The following SLC5A7 variants were observed in gnomAD, a reference collection of about 807,000 sequenced individuals.
SLC5A7 encodes the protein solute carrier family 5 member 7.
SLC5A7 carries 19 observed loss-of-function variants against 55.4 expected under a neutral mutation model. The ratio of observed to expected loss-of-function variants is 0.34; its 90% confidence interval spans 0.24 to 0.50. The LOEUF (loss-of-function observed/expected upper bound fraction) is 0.50, where lower values mean the gene tolerates loss of function less well. SLC5A7 is among the 20% of genes least tolerant of loss of function. The pLI is 0.98. For missense variants in SLC5A7, 506 were observed against 705.3 expected, an observed-to-expected ratio of 0.72 and a Z score of 3.20; for synonymous variants, 265 against 263.7, an observed-to-expected ratio of 1.00 and a Z score of -0.05.
intron 6 of SLC5A7, among the ~76,000 whole-genome samples, chr2:108,005,581 G>A (rs1166321582): frequency 6.6e-6 from 1 of 152,176 alleles, no homozygotes; most frequent in Non-Finnish European, 1.5e-5. Flanking sequence ...GGGTAACAAA[G>A]CATCATAAAC....
intron 2 of SLC5A7, among the ~76,000 whole-genome samples, chr2:107,990,926 A>G (rs1399099789): frequency 6.6e-6 from 1 of 152,204 alleles, no homozygotes; most frequent in African/African-American, 2.4e-5. Context: ...ATTCAGCCTC[A>G]TATCTGATAA....
chr2:107,998,156 C>T (rs1483173766), intron 5 of SLC5A7, among the ~76,000 whole-genome samples, 170 bp downstream of exon 5: 1 of 152,058 alleles, frequency 6.6e-6, no homozygotes, highest in Non-Finnish European at 1.5e-5. Context: ...ATGAAAAACT[C>T]GTCATTTTGA....
At chr2:107,988,414 C>T in intron 2 of SLC5A7, 81 bp downstream of exon 2, 1 of 1,314,144 alleles carries the variant, frequency 7.6e-7, no homozygotes, top group Non-Finnish European at 1.0e-6. Flanking sequence ...TTCAGAGTGA[C>T]AAAGCAAATG....
At chr2:107,997,727 C>A in intron 4 of SLC5A7, 111 bp from the exon 5 acceptor site, 3 of 1,132,118 alleles carry the variant, frequency 2.6e-6, no homozygotes, top group Non-Finnish European at 3.5e-6. Context: ...CACTGCATTT[C>A]ATATGACAGA....
At chr2:108,005,933 A>T in intron 6 of SLC5A7, 116 bp from the exon 7 acceptor site, 1 of 1,287,314 alleles carries the variant, frequency 7.8e-7, no homozygotes, top group Non-Finnish European at 1.1e-6. Flanking sequence ...GCTACATGCC[A>T]CATTTTTTTT....
chr2:107,990,303 A>G (rs1350572830), intron 2 of SLC5A7, among the ~76,000 whole-genome samples: 3 of 152,206 alleles, frequency 2.0e-5, no homozygotes, highest in Non-Finnish European at 2.9e-5. Flanking sequence ...TGATTCAGTC[A>G]CCAATTTTCT....
In SLC5A7 at chr2:108,008,696, C is replaced by T; in HGVS notation, c.1113+14C>T. 1.2e-6 allele frequency: 2 copies of T among 1,606,256 alleles called. No homozygotes were observed. Among genetic ancestry groups the T allele is most frequent in the Non-Finnish European group, 1.7e-6 (2 of 1,175,128 alleles). ...TTCAGACAAAATGTAAGAACAGTTT[C>T]TTTCAACCTGACATTTACTAGCATT... is the stretch of plus-strand genomic sequence containing the variant. On this transcript the variant is annotated intron_variant, in intron 8 of 8. Coordinates refer to ENST00000264047, the MANE Select transcript of SLC5A7 (RefSeq NM_021815.5).
At position 108,002,103 on chromosome 2, in the gene SLC5A7, C is replaced by T. The variant is rs183217499; in HGVS notation, c.741+63C>T. The T allele has an allele frequency of 4.5e-6, 7 of 1,557,850 alleles. No individual in the cohort carries two copies. The African/African-American group carries it at 5.5e-5, about 12-fold the overall frequency. ...GTTCCTGAAATCAAATTTGTTTTCACGATTTTCATATTCATAGTAAAAAAA... is the reference window on the plus strand; with the variant it reads ...GTTCCTGAAATCAAATTTGTTTTCATGATTTTCATATTCATAGTAAAAAAA... On this transcript the variant is annotated intron_variant, in intron 6 of 8. Transcript: ENST00000264047.
intron 8 of SLC5A7, among the ~76,000 whole-genome samples, chr2:108,009,726 G>A (rs772761386): frequency 6.6e-6 from 1 of 152,106 alleles, no homozygotes; most frequent in East Asian, 1.9e-4. Flanking sequence ...GGGCATTTGG[G>A]TTGGTTCCAT....
At chr2:108,000,176 C>G (rs1040085227) in intron 5 of SLC5A7, among the ~76,000 whole-genome samples, 1 of 152,118 alleles carries the variant, frequency 6.6e-6, no homozygotes, top group Non-Finnish European at 1.5e-5. Context: ...CACACACACA[C>G]CCCATTTATT....
chr2:108,002,339 C>T (rs2104365464), intron 6 of SLC5A7, among the ~76,000 whole-genome samples: 1 of 152,246 alleles, frequency 6.6e-6, no homozygotes, highest in Non-Finnish European at 1.5e-5. Context: ...TTTCCCCAAC[C>T]TGAAGGCAAA....
At chr2:108,006,860 G>A (rs779720757) in intron 7 of SLC5A7, among the ~76,000 whole-genome samples, 20 of 152,148 alleles carry the variant, frequency 1.3e-4, no homozygotes, top group Non-Finnish European at 1.0e-4. Flanking sequence ...TTGAACTTGA[G>A]ATTTCTGCTT....
rs1290557776 is a variant in SLC5A7, at chr2:108,012,388, G to A, written c.*1527G>A. The A allele has an allele frequency of 6.6e-6, 1 of 152,090 alleles. No homozygotes were observed. Among genetic ancestry groups the A allele is most frequent in the East Asian group, 1.9e-4 (1 of 5,190 alleles). The allele number at this position is 152,090 out of a possible 1,614,324, so 9.4% of individuals were successfully genotyped here. A position where few individuals can be genotyped will look rare whatever the true frequency, so the allele number is the denominator to read the frequency against. ...TTCCAAAAATACTTCTGCAACTCAT[G>A]AACAAAATGAAGTTAACTTAGTGTT... On this transcript the variant is annotated 3_prime_UTR_variant, in exon 9 of 9. Transcript: ENST00000264047.
chr2:108,001,757 C>A, intron 5 of SLC5A7, 140 bp from the exon 6 acceptor site: 7 of 710,226 alleles, frequency 9.9e-6, no homozygotes, highest in Middle Eastern at 3.7e-4. Flanking sequence ...CAACAAAAAA[C>A]AGAGAACATG....
intron 2 of SLC5A7, among the ~76,000 whole-genome samples, chr2:107,990,796 A>G (rs931238317): frequency 6.6e-6 from 1 of 152,220 alleles, no homozygotes; most frequent in African/African-American, 2.4e-5. Context: ...TAAACACAAT[A>G]GAAACACATC....
At chr2:107,997,540 A>G (rs771118896) in intron 4 of SLC5A7, among the ~76,000 whole-genome samples, 2 of 152,220 alleles carry the variant, frequency 1.3e-5, no homozygotes, top group African/African-American at 2.4e-5. Flanking sequence ...GAGTTCTTGT[A>G]ATGTAATTAA....
intron 6 of SLC5A7, among the ~76,000 whole-genome samples, chr2:108,003,571 C>T (rs1677998326): frequency 6.6e-6 from 1 of 152,180 alleles, no homozygotes; most frequent in South Asian, 2.1e-4. Context: ...TCTCCTACAT[C>T]CCCTATGTGA....
At chr2:107,993,237 T>A in intron 4 of SLC5A7, 110 bp downstream of exon 4, 1 of 1,154,602 alleles carries the variant, frequency 8.7e-7, no homozygotes, top group Non-Finnish European at 1.2e-6. Flanking sequence ...ATTAAAACCA[T>A]ATGCTGAACC....
chr2:108,005,424 A>G (rs1367339230), intron 6 of SLC5A7, among the ~76,000 whole-genome samples: 2 of 152,218 alleles, frequency 1.3e-5, no homozygotes, highest in African/African-American at 4.8e-5. Context: ...ACCAGATGAT[A>G]ACAAATTGAA....
Sources: allele counts gnomAD v4.1 joint callset (sites outside exome capture counted in the v4.1 genomes callset), GRCh38; gene constraint gnomAD v4.1.1; transcripts MANE v1.5; gene names NCBI Gene and HGNC (gene_info 2026-07-23, HGNC 2026-07-21).